Variants in SOX6 observed in about 807,000 individuals in gnomAD.
SOX6 encodes the protein transcription factor SOX-6.
SOX6 carries 11 observed loss-of-function variants against 97.8 expected under a neutral mutation model. That is an observed-to-expected ratio of 0.11 (90% CI 0.07 to 0.19). The LOEUF is 0.19. Ranked by LOEUF, SOX6 falls within the 10% of genes least tolerant of loss-of-function variation. SOX6 has a pLI of 1.00. For synonymous variants in SOX6, 360 were observed against 371.4 expected (o/e 0.97, Z 0.35); for missense variants, 810 against 1,039.5 (o/e 0.78, Z 3.04).
Position 16,305,809 on chromosome 11 carries a change from G to GT in SOX6, c.445+12636dup, listed in dbSNP as rs571218654. Reference sequence around the variant, plus strand: ...ATGAATCTCCAGGGAAGTAAGCTGAGTTTTTTTTTTTAAGTAAATTCTAAA... The same window carrying GT: ...ATGAATCTCCAGGGAAGTAAGCTGAGTTTTTTTTTTTTAAGTAAATTCTAAA... On this transcript the variant is annotated intron_variant, in intron 3 of 15. Transcript: ENST00000683767. 3.4e-3 allele frequency among the ~76,000 whole-genome samples: 491 copies of GT among 146,122 alleles called. 3 individuals are homozygous for GT. Among genetic ancestry groups the GT allele is most frequent in the African/African-American group, 0.01 (417 of 40,068 alleles).
intron 3 of SOX6, among the ~76,000 whole-genome samples, chr11:16,644,563 T>A (rs1271556613): frequency 2.6e-5 from 4 of 152,102 alleles, no homozygotes; most frequent in Admixed American, 2.6e-4. Flanking sequence ...ACAAGTGCAT[T>A]CATTTCATTC....
At chr11:16,710,012 C>T (rs1848165518) in intron 3 of SOX6, among the ~76,000 whole-genome samples, 1 of 152,096 alleles carries the variant, frequency 6.6e-6, no homozygotes, top group South Asian at 2.1e-4. Context: ...CTATTTATTA[C>T]TTATTTATGC....
At chr11:16,055,090 AT>A (rs1000265123) in intron 10 of SOX6, among the ~76,000 whole-genome samples, 9 of 151,168 alleles carry the variant, frequency 6.0e-5, no homozygotes, top group South Asian at 4.2e-4. Flanking sequence ...TAAAGCCCAC[AT>A]TTTTTTTTCA....
rs189762764 is a variant in SOX6 at position 16,374,492 on chromosome 11, G to A, written c.-4-33240C>T. ...ATTAACTTCTACATTTATGCAATTG[G>A]TATTTCAAATATCACACGTGGAATA... On this transcript the variant is annotated intron_variant, in intron 1 of 15. Transcript: ENST00000396356. Among the ~76,000 whole-genome samples, 6 of 151,916 alleles carry A rather than the reference G, an allele frequency of 3.9e-5. No homozygotes were observed. In the East Asian group the frequency reaches 9.7e-4, roughly 24 times the overall value.
At chr11:16,644,169 T>C (rs1003064756) in intron 3 of SOX6, among the ~76,000 whole-genome samples, 4 of 152,140 alleles carry the variant, frequency 2.6e-5, no homozygotes, top group African/African-American at 9.7e-5. Flanking sequence ...GCCTCCCAAG[T>C]AGCTGGGACC....
intron 3 of SOX6, among the ~76,000 whole-genome samples, chr11:16,235,760 A>C (rs917850481): frequency 6.6e-6 from 1 of 151,966 alleles, no homozygotes; most frequent in Non-Finnish European, 1.5e-5. Context: ...ATCCTCCTTG[A>C]ATTTTTCAGA....
chr11:16,269,115 T>C (rs1379200843), intron 3 of SOX6, among the ~76,000 whole-genome samples: 1 of 150,770 alleles, frequency 6.6e-6, no homozygotes. Flanking sequence ...TCTAACGTTA[T>C]CTTTTTTAAA....
At chr11:16,223,691 C>A (rs767639832) in intron 4 of SOX6, among the ~76,000 whole-genome samples, 2 of 152,018 alleles carry the variant, frequency 1.3e-5, no homozygotes. Context: ...ATTTAAGCTC[C>A]AGTATGTTTT....
chr11:16,211,182 T>C (rs936422452), intron 4 of SOX6, among the ~76,000 whole-genome samples: 2 of 152,110 alleles, frequency 1.3e-5, no homozygotes, highest in African/African-American at 2.4e-5. Context: ...CATATGTATC[T>C]TGATAGGATG....
chr11:16,418,804 C>T (rs542352411), intron 1 of SOX6, among the ~76,000 whole-genome samples: 1 of 152,276 alleles, frequency 6.6e-6, no homozygotes, highest in Admixed American at 6.5e-5. Flanking sequence ...TTTTTACAAG[C>T]TGGCACCCGT....
chr11:16,217,029 C>T lies in SOX6; in HGVS notation c.535+17553G>A, dbSNP rs559603683. Among the ~76,000 whole-genome samples the T allele has an allele frequency of 5.3e-5, 8 of 152,262 alleles. No individual in the cohort carries two copies. The South Asian group carries it at 6.2e-4, about 12-fold the overall frequency. On this transcript the variant is annotated intron_variant, in intron 4 of 15. Coordinates refer to ENST00000683767, the MANE Select transcript of SOX6 (RefSeq NM_001367873.1). Reference sequence around the variant, plus strand: ...AAACAAAAGAGCTCCTTTCAGTAACCGGTTAACAAGAAATCCAGAATGCTC... The same window carrying T: ...AAACAAAAGAGCTCCTTTCAGTAACTGGTTAACAAGAAATCCAGAATGCTC...
intron 3 of SOX6, among the ~76,000 whole-genome samples, chr11:16,670,135 G>C (rs1847836912): frequency 6.6e-6 from 1 of 152,208 alleles, no homozygotes; most frequent in Non-Finnish European, 1.5e-5. Flanking sequence ...TACTTGTAGT[G>C]CCTGGAGTTT....
chr11:16,429,602 C>A (rs1277544389), intron 1 of SOX6, among the ~76,000 whole-genome samples: 1 of 152,140 alleles, frequency 6.6e-6, no homozygotes, highest in African/African-American at 2.4e-5. Context: ...CACATGTTAT[C>A]ACTTGTAAGT....
intron 3 of SOX6, among the ~76,000 whole-genome samples, chr11:16,711,237 T>A (rs757280558): frequency 2.0e-5 from 3 of 152,080 alleles, no homozygotes; most frequent in Non-Finnish European, 2.9e-5. Flanking sequence ...CTAAAAACAT[T>A]ACAGCAGGCC....
intron 1 of SOX6, among the ~76,000 whole-genome samples, chr11:16,455,092 G>T (rs982799994): frequency 1.2e-4 from 18 of 151,956 alleles, no homozygotes; most frequent in African/African-American, 4.1e-4. Flanking sequence ...CCCACTTGAA[G>T]ATTTATGTTA....
At position 15,989,171 on chromosome 11, in the gene SOX6, C is replaced by T. The variant is rs1424908804; in HGVS notation, c.1792G>A (p.Gly598Arg). 1 of 1,614,020 alleles carries T rather than the reference C, an allele frequency of 6.2e-7. No homozygotes were observed. Among genetic ancestry groups the T allele is most frequent in the African/African-American group, 1.3e-5 (1 of 74,920 alleles). ...CGTGCTTCAGCCACAGTGGCACCTC[C>T]TGTTGGCCAACAATAATACTGCTGT... Reference protein sequence around the residue: ...KLQQYYCWPTGGATVAEARVY... With the variant: ...KLQQYYCWPTRGATVAEARVY... The change falls in exon 14 of 16, where the codon GGA (glycine) becomes AGA (arginine). Residue 598 changes from glycine (G) to arginine (R), a missense_variant. Coordinates refer to ENST00000683767, the MANE Select transcript of SOX6 (RefSeq NM_001367873.1).
At chr11:16,180,715 C>A (rs1403890185) in intron 6 of SOX6, among the ~76,000 whole-genome samples, 1 of 151,642 alleles carries the variant, frequency 6.6e-6, no homozygotes, top group East Asian at 1.9e-4. Context: ...AAACAGTTCA[C>A]AAAATCATAC....
At chr11:16,554,672 T>C (rs1191330012) in intron 4 of SOX6, among the ~76,000 whole-genome samples, 1 of 152,160 alleles carries the variant, frequency 6.6e-6, no homozygotes, top group Non-Finnish European at 1.5e-5. Flanking sequence ...TCTGGAAATA[T>C]GAAGCAGTCA....
intron 4 of SOX6, among the ~76,000 whole-genome samples, chr11:16,580,814 G>T (rs1447643264): frequency 1.3e-5 from 2 of 152,120 alleles, no homozygotes; most frequent in African/African-American, 4.8e-5. Flanking sequence ...CTCAAAAGAA[G>T]ACATTTATGT....
Sources: allele counts gnomAD v4.1 joint callset (sites outside exome capture counted in the v4.1 genomes callset), GRCh38; gene constraint gnomAD v4.1.1; transcripts MANE v1.5; gene names NCBI Gene and HGNC (gene_info 2026-07-23, HGNC 2026-07-21).